Variants in ZMYM2 observed in about 807,000 individuals in gnomAD.
ZMYM2 encodes zinc finger MYM-type containing 2.
ZMYM2 carries 56 observed loss-of-function variants against 162.8 expected under a neutral mutation model. The observed-to-expected ratio is 0.34, with a 90% CI of 0.28 to 0.43. The LOEUF is 0.43. ZMYM2 is among the 20% of genes least tolerant of loss of function. ZMYM2 has a pLI of 1.00. For missense variants in ZMYM2, 1,275 were observed against 1,621.8 expected, an observed-to-expected ratio of 0.79 and a Z score of 3.67; for synonymous variants, 510 against 541.6, an observed-to-expected ratio of 0.94 and a Z score of 0.81.
At chr13:19,894,212 C>T in the ZMYM2 span, among the ~76,000 whole-genome samples, 1 of 152,022 alleles carries the variant, frequency 6.6e-6, no homozygotes, top group African/African-American at 2.4e-5. Context: ...ATTTACTACA[C>T]CAGTACACTT....
At chr13:20,062,737 T>A in intron 17 of ZMYM2, 109 bp from the exon 18 acceptor site, 1 of 1,144,542 alleles carries the variant, frequency 8.7e-7, no homozygotes, top group Non-Finnish European at 1.2e-6. Flanking sequence ...ATTATACGTA[T>A]TTTTTTATAT....
At chr13:19,912,164 C>T in the ZMYM2 span, among the ~76,000 whole-genome samples, 3 of 152,168 alleles carry the variant, frequency 2.0e-5, no homozygotes, top group African/African-American at 4.8e-5. Flanking sequence ...CCACACTGTC[C>T]GTAAGGTCCA....
chr13:19,947,252 G>A, the ZMYM2 span, among the ~76,000 whole-genome samples: 4 of 151,624 alleles, frequency 2.6e-5, no homozygotes, highest in Admixed American at 1.3e-4. Flanking sequence ...AGTAAAGACG[G>A]GGTTTCACCG....
chr13:19,963,485 T>C lies in ZMYM2; in HGVS notation c.-11+3459T>C, dbSNP rs148513554. Among the ~76,000 whole-genome samples, 130 of 152,354 alleles carry C rather than the reference T, an allele frequency of 8.5e-4. 1 individual carries two copies. Among genetic ancestry groups the C allele is most frequent in the African/African-American group, 2.8e-3 (117 of 41,582 alleles). ...GTAACAGTTGCAGCTTATTTTCATA[T>C]TTTATTTTGGTTGTATACCAGCAAG... On this transcript the variant is annotated intron_variant, in intron 2 of 24. Transcript: ENST00000610343.
At chr13:20,055,858 GAAAATGTTA>G (rs1955756678) in intron 14 of ZMYM2, among the ~76,000 whole-genome samples, 1 of 152,068 alleles carries the variant, frequency 6.6e-6, no homozygotes. Context: ...TCGGGGTTAG[GAAAATGTTA>G]AAACGTTCTT....
At chr13:20,044,362 A>G (rs566043600) in intron 12 of ZMYM2, among the ~76,000 whole-genome samples, 1 of 152,306 alleles carries the variant, frequency 6.6e-6, no homozygotes, top group African/African-American at 2.4e-5. Flanking sequence ...TGCCCTCAGC[A>G]TATTAGGGGT....
rs894902243 is a variant in ZMYM2, at chr13:20,085,708, A to G, written c.3942-114A>G. 26 of 786,080 alleles carry G rather than the reference A, an allele frequency of 3.3e-5. No individual in the cohort carries two copies. The African/African-American group carries it at 4.3e-4, about 13-fold the overall frequency. 48.7% of individuals were successfully genotyped at this position (786,080 alleles called of 1,614,324 possible). Reference sequence around the variant, plus strand: ...CAGAATAATGGAGACAGTGGGGCATAGGGGGTCTGGTCATATAACGTGATT... The same window carrying G: ...CAGAATAATGGAGACAGTGGGGCATGGGGGGTCTGGTCATATAACGTGATT... On this transcript the variant is annotated intron_variant, in intron 24 of 24. Coordinates refer to ENST00000610343, the MANE Select transcript of ZMYM2 (RefSeq NM_197968.4).
the ZMYM2 span, among the ~76,000 whole-genome samples, chr13:19,892,438 AT>A: frequency 1.2e-4 from 17 of 147,202 alleles, no homozygotes; most frequent in Admixed American, 2.0e-4. Flanking sequence ...CGCCCAGCTA[AT>A]TTTTTTTTTG....
At chr13:19,941,217 A>G in the ZMYM2 span, among the ~76,000 whole-genome samples, 2 of 151,918 alleles carry the variant, frequency 1.3e-5, no homozygotes, top group Admixed American at 1.3e-4. Flanking sequence ...GGTGAAGTAG[A>G]GAATCGCTTC....
chr13:19,939,394 T>A, the ZMYM2 span, among the ~76,000 whole-genome samples: 1 of 152,082 alleles, frequency 6.6e-6, no homozygotes, highest in Non-Finnish European at 1.5e-5. Flanking sequence ...TAATATTATG[T>A]TATATATATG....
chr13:20,054,840 C>G (rs995582238), intron 14 of ZMYM2, among the ~76,000 whole-genome samples: 4 of 152,198 alleles, frequency 2.6e-5, no homozygotes, highest in African/African-American at 9.6e-5. Flanking sequence ...GTAACAGATA[C>G]TGTTTGCTAA....
Position 20,061,243 on chromosome 13 carries a change from T to C in ZMYM2, c.2911+19T>C, listed in dbSNP as rs1956206986. The C allele has an allele frequency of 1.9e-6, 3 of 1,609,908 alleles. No individual in the cohort carries two copies. The South Asian group carries it at 3.3e-5, about 18-fold the overall frequency. ...ATCAACAGTGAGCTACACTAAATTA[T>C]ACCTTGCGAATAAGTGTTAACATTG... On this transcript the variant is annotated intron_variant, in intron 17 of 24. Transcript: ENST00000610343.
chr13:19,922,343 G>A, the ZMYM2 span, among the ~76,000 whole-genome samples: 1 of 152,232 alleles, frequency 6.6e-6, no homozygotes, highest in Admixed American at 6.5e-5. Flanking sequence ...TAAGCTATAG[G>A]GTGAGAGTTA....
intron 12 of ZMYM2, among the ~76,000 whole-genome samples, chr13:20,044,546 G>A (rs1022072767): frequency 8.5e-5 from 13 of 152,146 alleles, no homozygotes; most frequent in African/African-American, 1.4e-4. Flanking sequence ...ACCTGGCTGC[G>A]TCTAGTCAGC....
At chr13:19,945,769 CCT>C in the ZMYM2 span, among the ~76,000 whole-genome samples, 1 of 150,710 alleles carries the variant, frequency 6.6e-6, no homozygotes, top group South Asian at 2.1e-4. Context: ...ATGGAGAAAC[CCT>C]GTCTCTACTA....
chr13:20,035,437 G>A (rs1301421073), intron 11 of ZMYM2, among the ~76,000 whole-genome samples: 1 of 152,108 alleles, frequency 6.6e-6, no homozygotes, highest in Admixed American at 6.5e-5. Flanking sequence ...TAAGAGTAAA[G>A]CTATAATGAA....
At chr13:20,018,164 C>A (rs987071480) in intron 6 of ZMYM2, among the ~76,000 whole-genome samples, 3 of 152,088 alleles carry the variant, frequency 2.0e-5, no homozygotes, top group Non-Finnish European at 2.9e-5. Context: ...TTATACTGTT[C>A]CCCACATAAT....
At chr13:20,082,315 T>C (rs1036023877) in intron 22 of ZMYM2, among the ~76,000 whole-genome samples, 185 bp downstream of exon 22, 2 of 152,204 alleles carry the variant, frequency 1.3e-5, no homozygotes, top group East Asian at 1.9e-4. Flanking sequence ...AACTAGTGTT[T>C]ATGAAGAACT....
intron 9 of ZMYM2, chr13:20,027,845 T>G (rs1952724076): frequency 6.1e-6 from 1 of 162,836 alleles, no homozygotes; most frequent in Admixed American, 6.4e-5. Flanking sequence ...AAATTTGGAG[T>G]ATGGATAGTC....
Sources: gnomAD v4.1 joint callset for allele counts (sites outside exome capture counted in the v4.1 genomes callset) on GRCh38, gnomAD v4.1.1 for gene constraint, MANE v1.5 for transcripts, NCBI Gene and HGNC (gene_info 2026-07-23, HGNC 2026-07-21) for gene names.